The following ATG7 variants were observed in gnomAD, a reference collection of about 807,000 sequenced individuals.
ATG7 encodes autophagy related 7.
Under a neutral mutation model 82.4 loss-of-function variants are expected in ATG7, and 70 were observed. The observed-to-expected ratio is 0.85, with a 90% CI of 0.70 to 1.04. The LOEUF (loss-of-function observed/expected upper bound fraction) is 1.04. ATG7 is among the 50% of genes least tolerant of loss of function. The pLI, the probability that ATG7 is intolerant of heterozygous loss-of-function variation, is 0.00. For synonymous variants in ATG7, 287 were observed against 313.0 expected (o/e 0.92, Z 0.88); for missense variants, 792 against 864.3 (o/e 0.92, Z 1.05).
chr3:11,420,626 TCAAGTCTCA>T (rs895536537), intron 19 of ATG7, among the ~76,000 whole-genome samples: 8 of 152,174 alleles, frequency 5.3e-5, no homozygotes, highest in Admixed American at 2.6e-4. Context: ...TTGCAGTAAA[TCAAGTCTCA>T]CAATTCCTTT....
chr3:11,408,543 C>G (rs558189357), intron 19 of ATG7, among the ~76,000 whole-genome samples: 1 of 152,108 alleles, frequency 6.6e-6, no homozygotes, highest in Non-Finnish European at 1.5e-5. Context: ...AAGACATACC[C>G]GAGACTGGGC....
chr3:11,387,331 T>G (rs996763070), intron 19 of ATG7, among the ~76,000 whole-genome samples: 1 of 152,240 alleles, frequency 6.6e-6, no homozygotes, highest in African/African-American at 2.4e-5. Flanking sequence ...TTGTTACTTT[T>G]GACCTGTGGT....
chr3:11,502,025 T>C (rs1050295616), intron 20 of ATG7, among the ~76,000 whole-genome samples: 1 of 52,994 alleles, frequency 1.9e-5, no homozygotes, highest in Non-Finnish European at 3.6e-5. Flanking sequence ...GTAGTAAACA[T>C]ATATACACAC....
intron 20 of ATG7, among the ~76,000 whole-genome samples, chr3:11,481,503 G>A (rs2088970557): frequency 6.6e-6 from 1 of 152,160 alleles, no homozygotes; most frequent in Non-Finnish European, 1.5e-5. Context: ...TGCAGGTGCT[G>A]AGGTCATTAT....
At chr3:11,471,741 A>AGTTCTT (rs1553685494) in intron 20 of ATG7, among the ~76,000 whole-genome samples, 4 of 30,402 alleles carry the variant, frequency 1.3e-4, no homozygotes, top group Non-Finnish European at 2.3e-4. Flanking sequence ...GGCTTTTTAG[A>AGTTCTT]TTTCTTTTTT....
At chr3:11,492,393 C>T (rs536534900) in intron 20 of ATG7, among the ~76,000 whole-genome samples, 52 of 152,334 alleles carry the variant, frequency 3.4e-4, no homozygotes, top group African/African-American at 1.3e-3. Context: ...AACCCAGTAC[C>T]TCAGATGGAA....
chr3:11,477,309 T>C, intron 20 of ATG7: 2 of 1,193,338 alleles, frequency 1.7e-6, no homozygotes, highest in Non-Finnish European at 2.1e-6. Flanking sequence ...TAAATAAGAA[T>C]TTTTGTGCTA....
intron 20 of ATG7, among the ~76,000 whole-genome samples, chr3:11,429,014 C>G (rs1265001382): frequency 2.6e-5 from 4 of 152,132 alleles, no homozygotes; most frequent in Non-Finnish European, 4.4e-5. Context: ...GTTTCATCCA[C>G]GAGCCTGAGT....
intron 20 of ATG7, among the ~76,000 whole-genome samples, chr3:11,539,828 G>A (rs1348679574): frequency 3.3e-5 from 5 of 152,190 alleles, no homozygotes; most frequent in Admixed American, 2.6e-4. Flanking sequence ...CGGCGACATC[G>A]AGCAGGTCTG....
At chr3:11,285,802 A>G (rs898044567) in intron 3 of ATG7, among the ~76,000 whole-genome samples, 1 of 152,202 alleles carries the variant, frequency 6.6e-6, no homozygotes, top group Non-Finnish European at 1.5e-5. Context: ...ACTTACAGAA[A>G]TTCTACAAGA....
chr3:11,274,389 A>G (rs1017962699), intron 1 of ATG7, among the ~76,000 whole-genome samples: 6 of 152,164 alleles, frequency 3.9e-5, no homozygotes, highest in South Asian at 2.1e-4. Context: ...TAGGGTACGC[A>G]TAAGTCAGGC....
intron 7 of ATG7, among the ~76,000 whole-genome samples, chr3:11,309,980 C>G (rs866475644): frequency 2.0e-5 from 3 of 151,960 alleles, no homozygotes; most frequent in African/African-American, 7.3e-5. Context: ...TTGAGACCAG[C>G]CTGGGCAACA....
chr3:11,308,816 G>A, intron 6 of ATG7, 168 bp from the exon 7 acceptor site: 2 of 652,074 alleles, frequency 3.1e-6, no homozygotes, highest in Admixed American at 5.0e-5. Context: ...GAGAGAGGCA[G>A]TGTGAAGTCG....
intron 20 of ATG7, among the ~76,000 whole-genome samples, chr3:11,499,768 C>A (rs2443710): frequency 1.1e-4 from 17 of 150,362 alleles, no homozygotes; most frequent in East Asian, 3.9e-4. Flanking sequence ...AAAAAAGAAA[C>A]AAAAAATCTA....
At chr3:11,533,911 C>T (rs982811902) in intron 20 of ATG7, among the ~76,000 whole-genome samples, 1 of 152,170 alleles carries the variant, frequency 6.6e-6, no homozygotes, top group Admixed American at 6.5e-5. Flanking sequence ...AAAATTTAAG[C>T]ACTTTCAAGT....
chr3:11,331,060 C>A (rs2152753193), intron 9 of ATG7, among the ~76,000 whole-genome samples: 1 of 152,210 alleles, frequency 6.6e-6, no homozygotes, highest in East Asian at 1.9e-4. Context: ...TCCTTCCAGT[C>A]TTTTTTCCTT....
intron 20 of ATG7, among the ~76,000 whole-genome samples, chr3:11,463,158 T>G (rs142194255): frequency 0.017 from 2,544 of 152,264 alleles, 67 homozygotes; most frequent in African/African-American, 0.057. Flanking sequence ...GTGCTGGGAT[T>G]ACAGGCGTGA....
intron 19 of ATG7, among the ~76,000 whole-genome samples, chr3:11,404,841 TCATGAGAACGG>T (rs1345300344): frequency 6.6e-6 from 1 of 152,104 alleles, no homozygotes; most frequent in African/African-American, 2.4e-5. Flanking sequence ...TTATTCACTA[TCATGAGAACGG>T]CATGAGAAAG....
chr3:11,348,772 A>G (rs1954980589), intron 14 of ATG7: 1 of 152,218 alleles, frequency 6.6e-6, no homozygotes, highest in African/African-American at 2.4e-5. Context: ...TCCATCTTAC[A>G]GGGTGCTGAT....
Sources: allele counts gnomAD v4.1 joint callset (sites outside exome capture counted in the v4.1 genomes callset), GRCh38; gene constraint gnomAD v4.1.1; transcripts MANE v1.5; gene names NCBI Gene and HGNC (gene_info 2026-07-23, HGNC 2026-07-21).